Variants in DAB1 observed in about 807,000 individuals in gnomAD.
The protein encoded by DAB1 is DAB adaptor protein 1, also known as disabled homolog 1.
DAB1 carries 15 observed loss-of-function variants against 64.6 expected under a neutral mutation model. The observed-to-expected ratio is 0.23, with a 90% CI of 0.16 to 0.36. The LOEUF is 0.36. Ranked by LOEUF, DAB1 falls within the 10% of genes least tolerant of loss-of-function variation. The pLI is 1.00. For missense variants in DAB1, 596 were observed against 706.7 expected, an observed-to-expected ratio of 0.84 and a Z score of 1.78; for synonymous variants, 235 against 251.9, an observed-to-expected ratio of 0.93 and a Z score of 0.64.
intron 1 of DAB1, among the ~76,000 whole-genome samples, chr1:57,842,791 A>G (rs1398847983): frequency 1.3e-5 from 2 of 152,194 alleles, no homozygotes; most frequent in Admixed American, 6.5e-5. Flanking sequence ...ACATGTGAGG[A>G]TTACAATTCT....
At chr1:58,035,974 T>C (rs1037868927) in intron 5 of DAB1, among the ~76,000 whole-genome samples, 4 of 152,130 alleles carry the variant, frequency 2.6e-5, no homozygotes, top group African/African-American at 9.7e-5. Flanking sequence ...CCGTGTACGG[T>C]TGATGTTAAA....
chr1:57,359,488 T>G (rs915794581), intron 1 of DAB1, among the ~76,000 whole-genome samples: 2 of 152,016 alleles, frequency 1.3e-5, no homozygotes, highest in Non-Finnish European at 2.9e-5. Context: ...ACACAGGTGA[T>G]GGAAATGTAG....
At chr1:58,220,465 T>G (rs935195500) in intron 4 of DAB1, among the ~76,000 whole-genome samples, 1 of 152,138 alleles carries the variant, frequency 6.6e-6, no homozygotes, top group Non-Finnish European at 1.5e-5. Flanking sequence ...CCAAAGACTA[T>G]TTGTTTCTTC....
chr1:57,142,290 C>T (rs968387277), intron 3 of DAB1, among the ~76,000 whole-genome samples: 1 of 151,754 alleles, frequency 6.6e-6, no homozygotes, highest in Non-Finnish European at 1.5e-5. Context: ...TATGGCCTAA[C>T]GTGAGTAAGT....
chr1:57,682,870 C>A (rs1175159995), intron 6 of DAB1, among the ~76,000 whole-genome samples: 1 of 152,180 alleles, frequency 6.6e-6, no homozygotes, highest in African/African-American at 2.4e-5. Flanking sequence ...TCCTGCAGGA[C>A]TGGGATGTCT....
At chr1:57,842,021 G>T (rs1353409106) in intron 1 of DAB1, among the ~76,000 whole-genome samples, 2 of 152,084 alleles carry the variant, frequency 1.3e-5, no homozygotes, top group South Asian at 2.1e-4. Context: ...TTCCAATTTT[G>T]GACCAATTCT....
intron 6 of DAB1, among the ~76,000 whole-genome samples, chr1:57,656,127 A>G (rs959316585): frequency 1.3e-5 from 2 of 152,198 alleles, no homozygotes; most frequent in African/African-American, 4.8e-5. Flanking sequence ...GTGTGAGGAT[A>G]CAAGAAGTTG....
At chr1:57,826,783 G>C (rs1402731442) in intron 1 of DAB1, among the ~76,000 whole-genome samples, 1 of 152,218 alleles carries the variant, frequency 6.6e-6, no homozygotes, top group Non-Finnish European at 1.5e-5. Context: ...TGTCCTCCTG[G>C]AATAGGAAGT....
At chr1:57,816,455 G>A (rs1234693693) in intron 6 of DAB1, among the ~76,000 whole-genome samples, 1 of 152,086 alleles carries the variant, frequency 6.6e-6, no homozygotes, top group African/African-American at 2.4e-5. Flanking sequence ...CACACAGCTG[G>A]GATCATCATT....
intron 1 of DAB1, among the ~76,000 whole-genome samples, chr1:57,831,402 G>A (rs937754127): frequency 3.3e-5 from 5 of 152,122 alleles, no homozygotes; most frequent in Admixed American, 6.6e-5. Context: ...TATATGTTAA[G>A]ATGTTGAGTT....
chr1:57,593,734 A>C (rs1203004075), intron 7 of DAB1, among the ~76,000 whole-genome samples: 3 of 152,238 alleles, frequency 2.0e-5, no homozygotes, highest in African/African-American at 7.2e-5. Context: ...ATTTTAAAAA[A>C]AGGGTTCCAT....
chr1:57,815,333 G>T (rs1651806746), intron 6 of DAB1, among the ~76,000 whole-genome samples: 1 of 152,082 alleles, frequency 6.6e-6, no homozygotes, highest in African/African-American at 2.4e-5. Flanking sequence ...CTCCCAAAGT[G>T]CTGGGATTAC....
intron 4 of DAB1, among the ~76,000 whole-genome samples, chr1:58,296,603 G>A (rs1662002189): frequency 6.6e-6 from 1 of 152,174 alleles, no homozygotes; most frequent in Non-Finnish European, 1.5e-5. Context: ...CTCTTCCTCA[G>A]TCCTGATTAG....
intron 6 of DAB1, among the ~76,000 whole-genome samples, chr1:57,768,589 C>T (rs1649424589): frequency 6.7e-6 from 1 of 149,874 alleles, no homozygotes; most frequent in Non-Finnish European, 1.5e-5. Context: ...TATACACAAA[C>T]ATATAAATAT....
intron 7 of DAB1, among the ~76,000 whole-genome samples, chr1:57,618,554 C>A (rs1558546352): frequency 1.3e-5 from 2 of 152,028 alleles, no homozygotes; most frequent in South Asian, 4.1e-4. Context: ...AGAAGTGATT[C>A]CTAAACAGTG....
chr1:57,521,057 A>G (rs776500761), intron 7 of DAB1, among the ~76,000 whole-genome samples: 1 of 152,194 alleles, frequency 6.6e-6, no homozygotes, highest in Non-Finnish European at 1.5e-5. Context: ...AGACCCAAGC[A>G]TCGAAGGGAG....
Position 57,422,283 on chromosome 1 carries a change from A to C in DAB1, c.-137+1647T>G, listed in dbSNP as rs1364224068. Among the ~76,000 whole-genome samples, 64 of 152,188 alleles carry C rather than the reference A, an allele frequency of 4.2e-4. 1 individual carries two copies. The highest frequency in any genetic ancestry group is 1.5e-5 in the Non-Finnish European group (1 of 68,020). On this transcript the variant is annotated intron_variant, in intron 1 of 14. Coordinates refer to ENST00000371236, the MANE Select transcript of DAB1 (RefSeq NM_001365792.1). Reference sequence around the variant, plus strand: ...GGCCAGCAGGAAGGGAGCAGGAAGGAGGAAGAAACGACGGCGCGGATTCTC... The same window carrying C: ...GGCCAGCAGGAAGGGAGCAGGAAGGCGGAAGAAACGACGGCGCGGATTCTC...
At chr1:57,399,957 G>GT (rs1446588044) in intron 1 of DAB1, among the ~76,000 whole-genome samples, 1 of 152,202 alleles carries the variant, frequency 6.6e-6, no homozygotes, top group Non-Finnish European at 1.5e-5. Flanking sequence ...AGAATAGCCT[G>GT]TCTTATCTTC....
chr1:57,026,893 A>G (rs189690241), intron 9 of DAB1, among the ~76,000 whole-genome samples: 40 of 152,300 alleles, frequency 2.6e-4, no homozygotes, highest in African/African-American at 9.6e-4. Flanking sequence ...CACAGACTCT[A>G]GGGAGTCTAT....
Sources: gnomAD v4.1 joint callset for allele counts (sites outside exome capture counted in the v4.1 genomes callset) on GRCh38, gnomAD v4.1.1 for gene constraint, MANE v1.5 for transcripts, NCBI Gene and HGNC (gene_info 2026-07-23, HGNC 2026-07-21) for gene names.